The following PVT1 variants were observed in gnomAD, a reference collection of about 807,000 sequenced individuals.
PVT1 encodes the protein CXCR4/PVT1 fusion.
chr8:128,094,589 T>C (rs1209220364), intron 5 of PVT1, among the ~76,000 whole-genome samples: 5 of 152,248 alleles, frequency 3.3e-5, no homozygotes, highest in Non-Finnish European at 5.9e-5. Flanking sequence ...TGATCCTTGG[T>C]CTGTGAAACA....
chr8:128,057,723 G>A (rs1167355943), intron 4 of PVT1, among the ~76,000 whole-genome samples: 1 of 152,136 alleles, frequency 6.6e-6, no homozygotes, highest in Non-Finnish European at 1.5e-5. Context: ...ATTCCAGGTC[G>A]TCATCCTTGT....
chr8:127,888,473 C>T (rs747204867), intron 2 of PVT1, among the ~76,000 whole-genome samples: 11 of 152,180 alleles, frequency 7.2e-5, no homozygotes, highest in African/African-American at 1.2e-4. Context: ...TGTCCACATC[C>T]GAATCCCTAG....
At chr8:127,922,187 C>CT (rs1816069414) in intron 3 of PVT1, among the ~76,000 whole-genome samples, 1 of 151,692 alleles carries the variant, frequency 6.6e-6, no homozygotes, top group African/African-American at 2.4e-5. Context: ...TAAGATCAAT[C>CT]TTATTTTATG....
At chr8:127,804,897 T>A (rs1405407196) in intron 2 of PVT1, among the ~76,000 whole-genome samples, 3 of 150,910 alleles carry the variant, frequency 2.0e-5, no homozygotes, top group Non-Finnish European at 4.4e-5. Flanking sequence ...ACACAGGCAT[T>A]TTTGAATATT....
In PVT1 at chr8:128,064,614, C is replaced by T. The variant is rs138886878; in HGVS notation, n.913-5546C>T. ...CCCTGCCTGCAAATGACATTTTTAC[C>T]GAACATCTGAGAGAGTCCCATTTGA... On this transcript the variant is annotated intron_variant and non_coding_transcript_variant, in intron 4 of 10. Transcript: ENST00000651587. 3.6e-3 allele frequency among the ~76,000 whole-genome samples: 548 copies of T among 152,256 alleles called. 6 individuals carry two copies. The highest frequency in any genetic ancestry group is 0.021 in the East Asian group (110 of 5,180).
intron 5 of PVT1, among the ~76,000 whole-genome samples, chr8:128,082,407 C>T (rs1024392572): frequency 1.3e-5 from 2 of 152,160 alleles, no homozygotes; most frequent in African/African-American, 4.8e-5. Context: ...TCTGGAGCTG[C>T]CATATTGTCA....
At chr8:127,944,922 G>A (rs1005312218) in intron 3 of PVT1, among the ~76,000 whole-genome samples, 6 of 152,160 alleles carry the variant, frequency 3.9e-5, no homozygotes, top group Admixed American at 2.6e-4. Flanking sequence ...GTCCAGGCCC[G>A]ATTGTAATGG....
chr8:128,014,531 C>T (rs774180594), intron 4 of PVT1, among the ~76,000 whole-genome samples: 2 of 152,218 alleles, frequency 1.3e-5, no homozygotes, highest in Non-Finnish European at 2.9e-5. Flanking sequence ...CTGATAAGCT[C>T]TTTGGCTTCT....
rs193217062 is a variant in PVT1 at position 128,001,172 on chromosome 8, G to A, written n.912+11881G>A. Among the ~76,000 whole-genome samples the A allele has an allele frequency of 2.8e-3, 429 of 152,216 alleles. 2 individuals are homozygous for A. Among genetic ancestry groups the A allele is most frequent in the Middle Eastern group, 0.014 (4 of 294 alleles). ...GCAGGTCTGTGCCAGGAAGCCCTGC[G>A]TGCTGTCTGCACCCCGTTTGGCTGC... On this transcript the variant is annotated intron_variant and non_coding_transcript_variant, in intron 4 of 10. Transcript: ENST00000651587.
At chr8:128,030,651 C>CA (rs940640508) in intron 4 of PVT1, among the ~76,000 whole-genome samples, 8 of 152,340 alleles carry the variant, frequency 5.3e-5, no homozygotes, top group African/African-American at 1.7e-4. Flanking sequence ...TTCTTAAGAA[C>CA]AGGGACTGTG....
At chr8:127,908,056 C>T (rs753354300) in intron 3 of PVT1, among the ~76,000 whole-genome samples, 4 of 152,282 alleles carry the variant, frequency 2.6e-5, no homozygotes, top group South Asian at 2.1e-4. Context: ...AATCTGTGGC[C>T]GCGCATCACC....
At chr8:127,936,046 T>A (rs1816269586) in intron 3 of PVT1, among the ~76,000 whole-genome samples, 1 of 150,160 alleles carries the variant, frequency 6.7e-6, no homozygotes, top group African/African-American at 2.4e-5. Context: ...TTTTTTTTTT[T>A]TTTTTTTTTT....
At chr8:128,023,329 T>A (rs765067613) in intron 4 of PVT1, among the ~76,000 whole-genome samples, 31 of 152,112 alleles carry the variant, frequency 2.0e-4, no homozygotes, top group Non-Finnish European at 4.4e-4. Context: ...CCAACCTAGA[T>A]CAGTTGACAG....
intron 4 of PVT1, chr8:128,049,089 C>T: frequency 2.0e-6 from 1 of 499,436 alleles, no homozygotes; most frequent in Admixed American, 2.4e-5. Context: ...CATTTCTTAT[C>T]AGAGGCCCTG....
At chr8:128,000,694 C>T (rs923207237) in intron 4 of PVT1, among the ~76,000 whole-genome samples, 18 of 152,222 alleles carry the variant, frequency 1.2e-4, no homozygotes, top group African/African-American at 4.3e-4. Flanking sequence ...TTCCTGGCAG[C>T]AGGACTTTGT....
chr8:127,916,286 A>G (rs1371299832), intron 3 of PVT1, among the ~76,000 whole-genome samples: 1 of 152,204 alleles, frequency 6.6e-6, no homozygotes, highest in Non-Finnish European at 1.5e-5. Context: ...CATGATGGTT[A>G]TTGTTAGATG....
In PVT1 at chr8:128,003,757, C is replaced by T. The variant is rs557118631; in HGVS notation, n.912+14466C>T. 3.3e-5 allele frequency among the ~76,000 whole-genome samples: 5 copies of T among 152,338 alleles called. No homozygotes were observed. In the South Asian group the frequency reaches 6.2e-4, roughly 19 times the overall value. On this transcript the variant is annotated intron_variant and non_coding_transcript_variant, in intron 4 of 10. Transcript: ENST00000651587. ...TTATATAGATTTGGGGGACTATTCTCCAACATGACTGATGAGGGCATAGTC... is the reference window on the plus strand; with the variant it reads ...TTATATAGATTTGGGGGACTATTCTTCAACATGACTGATGAGGGCATAGTC...
chr8:127,986,233 G>A (rs1436683272), intron 3 of PVT1, among the ~76,000 whole-genome samples: 1 of 152,194 alleles, frequency 6.6e-6, no homozygotes, highest in Admixed American at 6.5e-5. Context: ...TGGCAGAGAG[G>A]AGAACAGATG....
chr8:128,082,343 C>T (rs1499368), intron 5 of PVT1, among the ~76,000 whole-genome samples: 12,746 of 152,254 alleles, frequency 0.084, 832 homozygotes, highest in Admixed American at 0.22. Context: ...TAGCAATGTA[C>T]TACTTTACAG....
Sources: gnomAD v4.1 joint callset for allele counts (sites outside exome capture counted in the v4.1 genomes callset) on GRCh38, gnomAD v4.1.1 for gene constraint, MANE v1.5 for transcripts, NCBI Gene and HGNC (gene_info 2026-07-23, HGNC 2026-07-21) for gene names.